The following HSD17B12 variants were observed in gnomAD, a reference collection of about 807,000 sequenced individuals.
HSD17B12 encodes the protein very-long-chain 3-oxoacyl-CoA reductase.
HSD17B12 carries 32 observed loss-of-function variants against 39.3 expected under a neutral mutation model. That is an observed-to-expected ratio of 0.81 (90% CI 0.61 to 1.09). The LOEUF (loss-of-function observed/expected upper bound fraction) is 1.09, where lower values mean the gene tolerates loss of function less well. Ranked by LOEUF, HSD17B12 falls within the 50% of genes least tolerant of loss-of-function variation. The probability of loss-of-function intolerance (pLI) is 0.00; values close to 1 mark genes in which losing one functional copy is unlikely to be tolerated. For missense variants in HSD17B12, 342 were observed against 382.9 expected (o/e 0.89, Z 0.89); for synonymous variants, 150 against 146.7 (o/e 1.02, Z -0.16).
chr11:43,675,914 C>G (rs1012005274), upstream of HSD17B12, among the ~76,000 whole-genome samples: 7 of 152,094 alleles, frequency 4.6e-5, no homozygotes, highest in Non-Finnish European at 1.0e-4. Flanking sequence ...GAGTTTGAGA[C>G]CAGCCTGGCC....
intron 9 of HSD17B12, chr11:43,852,776 A>G (rs1421524733): frequency 6.6e-6 from 1 of 152,200 alleles, no homozygotes; most frequent in Non-Finnish European, 1.5e-5. Context: ...TGAGGGATAA[A>G]TATATAGTGA....
chr11:43,789,399 C>A (rs917787506), intron 3 of HSD17B12, among the ~76,000 whole-genome samples: 2 of 152,108 alleles, frequency 1.3e-5, no homozygotes, highest in Non-Finnish European at 2.9e-5. Flanking sequence ...TACTGTTGGG[C>A]TTTGAGTAAA....
chr11:43,744,933 C>T (rs765241315), intron 1 of HSD17B12, among the ~76,000 whole-genome samples: 76 of 152,288 alleles, frequency 5.0e-4, no homozygotes, highest in Non-Finnish European at 9.3e-4. Flanking sequence ...AGTGTGGCCT[C>T]GCCATTAGAC....
intron 9 of HSD17B12, among the ~76,000 whole-genome samples, chr11:43,851,127 A>G (rs191569692): frequency 6.6e-6 from 1 of 152,354 alleles, no homozygotes; most frequent in Non-Finnish European, 1.5e-5. Context: ...AGGCTGAGCA[A>G]GGAAGCACCA....
chr11:43,816,613 A>C (rs1383590207), intron 6 of HSD17B12, among the ~76,000 whole-genome samples: 1 of 151,890 alleles, frequency 6.6e-6, no homozygotes, highest in Non-Finnish European at 1.5e-5. Context: ...TATTTTATTT[A>C]ATTATTTAAT....
chr11:43,734,175 A>G (rs1950294971), intron 1 of HSD17B12: 4 of 1,571,332 alleles, frequency 2.5e-6, no homozygotes, highest in African/African-American at 1.3e-5. Context: ...CTAATCACCC[A>G]GAGAGAGCTG....
At chr11:43,630,681 G>C in the HSD17B12 span, among the ~76,000 whole-genome samples, 1 of 152,004 alleles carries the variant, frequency 6.6e-6, no homozygotes, top group Non-Finnish European at 1.5e-5. Flanking sequence ...TGGATGGCTT[G>C]GTAATGAAGG....
intron 1 of HSD17B12, among the ~76,000 whole-genome samples, chr11:43,725,094 T>C (rs1950209379): frequency 6.6e-6 from 1 of 152,194 alleles, no homozygotes; most frequent in South Asian, 2.1e-4. Flanking sequence ...ATAGTTATTT[T>C]AAGAGGAAAA....
intron 3 of HSD17B12, among the ~76,000 whole-genome samples, chr11:43,780,184 A>C (rs1322077581): frequency 6.6e-6 from 1 of 151,282 alleles, no homozygotes; most frequent in African/African-American, 2.4e-5. Context: ...TTATTTTTTG[A>C]GACAGAATTT....
chr11:43,658,430 T>C, the HSD17B12 span, among the ~76,000 whole-genome samples: 1 of 152,252 alleles, frequency 6.6e-6, no homozygotes, highest in Admixed American at 6.5e-5. Flanking sequence ...TTCCGTTTGC[T>C]GGTGAGGAGC....
chr11:43,684,720 A>G (rs1949781902), intron 1 of HSD17B12, among the ~76,000 whole-genome samples: 1 of 152,232 alleles, frequency 6.6e-6, no homozygotes, highest in African/African-American at 2.4e-5. Flanking sequence ...AATATACCAT[A>G]CAATTTGCCC....
chr11:43,774,452 A>C (rs1950679504), intron 3 of HSD17B12, among the ~76,000 whole-genome samples: 1 of 152,016 alleles, frequency 6.6e-6, no homozygotes, highest in Non-Finnish European at 1.5e-5. Context: ...TGACCTCATG[A>C]TCTGCCCCCC....
At chr11:43,705,696 C>T (rs989858275) in intron 1 of HSD17B12, among the ~76,000 whole-genome samples, 19 of 150,996 alleles carry the variant, frequency 1.3e-4, no homozygotes, top group African/African-American at 4.6e-4. Context: ...TTCAGATGCT[C>T]CTGGTTTGGG....
rs1157916228 is a variant in HSD17B12, at chr11:43,856,108, T to C, written c.*860T>C. The C allele has an allele frequency of 6.6e-6, 1 of 152,316 alleles. No homozygotes were observed. The highest frequency in any genetic ancestry group is 1.5e-5 in the Non-Finnish European group (1 of 68,038). 9.4% of individuals were successfully genotyped at this position (152,316 alleles called of 1,614,324 possible). On this transcript the variant is annotated 3_prime_UTR_variant, in exon 11 of 11. Transcript: ENST00000278353. ...TAGTCCTATAAAAGTAATGACTTCATAGAAATGGCATTATAATTTTTAAGT... is the reference window on the plus strand; with the variant it reads ...TAGTCCTATAAAAGTAATGACTTCACAGAAATGGCATTATAATTTTTAAGT...
At chr11:43,580,358 C>T in the HSD17B12 span, among the ~76,000 whole-genome samples, 1 of 97,352 alleles carries the variant, frequency 1.0e-5, no homozygotes. Flanking sequence ...TAGCATTCTG[C>T]AGAATGGGTA....
the HSD17B12 span, among the ~76,000 whole-genome samples, chr11:43,670,700 A>C: frequency 6.6e-6 from 1 of 152,024 alleles, no homozygotes; most frequent in Non-Finnish European, 1.5e-5. Flanking sequence ...AGACCAGCCT[A>C]GGCGACATAG....
intron 1 of HSD17B12, among the ~76,000 whole-genome samples, chr11:43,696,741 A>G (rs1267107458): frequency 6.6e-6 from 1 of 152,208 alleles, no homozygotes; most frequent in African/African-American, 2.4e-5. Context: ...TATTTACAAT[A>G]GCGAAGACAT....
At chr11:43,599,099 T>C in the HSD17B12 span, among the ~76,000 whole-genome samples, 1 of 152,242 alleles carries the variant, frequency 6.6e-6, no homozygotes, top group South Asian at 2.1e-4. Context: ...TATTGCTATC[T>C]GCTCAACGAT....
At position 43,794,513 on chromosome 11, in the gene HSD17B12, C is replaced by T. The variant is rs11037645; in HGVS notation, c.284-3807C>T. Among the ~76,000 whole-genome samples, 629 of 152,272 alleles carry T rather than the reference C, an allele frequency of 4.1e-3. 6 individuals are homozygous for T. In the East Asian group the frequency reaches 0.045, roughly 11 times the overall value. On this transcript the variant is annotated intron_variant, in intron 3 of 10. Transcript: ENST00000278353. ...GAAACCCATTTTAGATGTAGCATAA[C>T]TAAAACTAGGGCATTGTGAAAGAAC...
Sources: allele counts gnomAD v4.1 joint callset (sites outside exome capture counted in the v4.1 genomes callset), GRCh38; gene constraint gnomAD v4.1.1; transcripts MANE v1.5; gene names NCBI Gene and HGNC (gene_info 2026-07-23, HGNC 2026-07-21).